COL22A1: variants seen among roughly 807,000 people sequenced by gnomAD.
COL22A1 encodes the protein collagen type XXII alpha 1 chain, also known as collagen alpha-1(XXII) chain.
Under a neutral mutation model 248.9 loss-of-function variants are expected in COL22A1, and 221 were observed. The ratio of observed to expected loss-of-function variants is 0.89; its 90% CI spans 0.80 to 0.99. The LOEUF (loss-of-function observed/expected upper bound fraction) is 0.99, where lower values mean the gene tolerates loss of function less well. Ranked by LOEUF, COL22A1 falls within the 50% of genes least tolerant of loss-of-function variation. The pLI is 0.00. For synonymous variants in COL22A1, 891 were observed against 793.4 expected (o/e 1.12, Z -2.07); for missense variants, 2,240 against 2,179.0 (o/e 1.03, Z -0.56).
At chr8:138,661,874 A>G (rs1323078935) in intron 43 of COL22A1, among the ~76,000 whole-genome samples, 156 bp downstream of exon 43, 2 of 152,220 alleles carry the variant, frequency 1.3e-5, no homozygotes, top group Admixed American at 1.3e-4. Context: ...ACAGAAGAGC[A>G]AAAATAAAAA....
At chr8:138,871,361 A>C (rs1823332386) in intron 3 of COL22A1, among the ~76,000 whole-genome samples, 1 of 152,146 alleles carries the variant, frequency 6.6e-6, no homozygotes, top group Non-Finnish European at 1.5e-5. Flanking sequence ...AGATGAGAAC[A>C]GTCCTGCTCC....
chr8:138,893,829 A>C (rs1230347048), intron 1 of COL22A1, among the ~76,000 whole-genome samples: 1 of 152,220 alleles, frequency 6.6e-6, no homozygotes, highest in African/African-American at 2.4e-5. Context: ...CAAGGAAATA[A>C]ATGCTTATAT....
chr8:138,685,173 T>A, intron 38 of COL22A1, 35 bp downstream of exon 38: 1 of 1,376,292 alleles, frequency 7.3e-7, no homozygotes, highest in Non-Finnish European at 1.0e-6. Context: ...TCACCTGGTT[T>A]CTACAGGCAC....
At chr8:138,592,500 T>C (rs1053340459) in intron 63 of COL22A1, among the ~76,000 whole-genome samples, 1 of 152,238 alleles carries the variant, frequency 6.6e-6, no homozygotes, top group African/African-American at 2.4e-5. Flanking sequence ...ATTTATTTTA[T>C]ATATTTTGTT....
At chr8:138,826,557 G>T in intron 6 of COL22A1, 101 bp downstream of exon 6, 1 of 1,308,016 alleles carries the variant, frequency 7.6e-7, no homozygotes, top group Middle Eastern at 2.5e-4. Context: ...TCTAGGCCCA[G>T]GGATAAGAGC....
At chr8:138,834,204 C>A (rs1351394902) in intron 4 of COL22A1, among the ~76,000 whole-genome samples, 2 of 152,164 alleles carry the variant, frequency 1.3e-5, no homozygotes, top group Non-Finnish European at 2.9e-5. Context: ...GGGAAGCCGG[C>A]TGAAGGCAGG....
Position 138,844,082 on chromosome 8 carries a change from A to C in COL22A1, c.733+2T>G. 6.2e-7 allele frequency: 1 copy of C among 1,613,444 alleles called. No individual in the cohort carries two copies. The highest frequency in any genetic ancestry group is 2.2e-5 in the East Asian group (1 of 44,870). On this transcript the variant is annotated splice_donor_variant, in intron 4 of 64. Transcript: ENST00000303045. LOFTEE classifies it high-confidence loss of function. ...CACACGTGGTTATTGTTTTTCCCTTACCTGTGATTTCCTTGGTTCCTCCAT... is the reference window on the plus strand; with the variant it reads ...CACACGTGGTTATTGTTTTTCCCTTCCCTGTGATTTCCTTGGTTCCTCCAT...
rs59772852 is a variant in COL22A1 at position 138,660,455 on chromosome 8, C to G, written c.3266G>C (p.Arg1089Thr). Reference sequence around the variant, plus strand: ...ACATACCGGCTTGCCAGGAGGCCCTCTTTCTCCTGGATTTCCTGGTGCACC... The same window carrying G: ...ACATACCGGCTTGCCAGGAGGCCCTGTTTCTCCTGGATTTCCTGGTGCACC... ...RDGAPGNPGE[R>T]GPPGKPGLSS... The change falls in exon 44 of 65, where the codon AGA (arginine) becomes ACA (threonine). Residue 1089 changes from arginine (R) to threonine (T), a missense_variant. By Grantham distance (71) the Arg-to-Thr change is moderately conservative. Transcript: ENST00000303045. The G allele has an allele frequency of 6.2e-7, 1 of 1,613,532 alleles. No homozygotes were observed. The highest frequency in any genetic ancestry group is 8.5e-7 in the Non-Finnish European group (1 of 1,179,456).
chr8:138,661,860 C>T (rs901464779), intron 43 of COL22A1, among the ~76,000 whole-genome samples, 170 bp downstream of exon 43: 3 of 152,190 alleles, frequency 2.0e-5, no homozygotes, highest in African/African-American at 7.2e-5. Context: ...ATGAACCACA[C>T]TCAACAGAAG....
At chr8:138,817,220 G>C (rs1333582841) in intron 7 of COL22A1, among the ~76,000 whole-genome samples, 1 of 152,206 alleles carries the variant, frequency 6.6e-6, no homozygotes, top group Non-Finnish European at 1.5e-5. Context: ...GGGAAAGGAA[G>C]CTAGCCTGTA....
intron 14 of COL22A1, among the ~76,000 whole-genome samples, chr8:138,779,052 C>A (rs928124439): frequency 6.6e-6 from 1 of 152,210 alleles, no homozygotes; most frequent in Admixed American, 6.5e-5. Flanking sequence ...GAGAAACACA[C>A]AAATGCACAC....
At chr8:138,755,869 G>A (rs767703120) in intron 18 of COL22A1, 40 bp from the exon 19 acceptor site, 1 of 1,586,796 alleles carries the variant, frequency 6.3e-7, no homozygotes, top group Non-Finnish European at 8.7e-7. Context: ...AGTTACTGGT[G>A]CCACCTTCTG....
chr8:138,701,881 TTGAG>T (rs1020974145), intron 31 of COL22A1, among the ~76,000 whole-genome samples: 1 of 139,454 alleles, frequency 7.2e-6, no homozygotes, highest in Non-Finnish European at 1.6e-5. Context: ...TCCACTTAAT[TTGAG>T]TATCACTATC....
At chr8:138,748,687 A>C (rs1240722925) in intron 22 of COL22A1, among the ~76,000 whole-genome samples, 2 of 152,094 alleles carry the variant, frequency 1.3e-5, no homozygotes, top group Non-Finnish European at 2.9e-5. Flanking sequence ...AAATCTCCAG[A>C]CCCAGTGAAT....
At chr8:138,897,112 T>C (rs1434980844) in intron 1 of COL22A1, among the ~76,000 whole-genome samples, 1 of 152,152 alleles carries the variant, frequency 6.6e-6, no homozygotes, top group Non-Finnish European at 1.5e-5. Context: ...AATGGAAGAC[T>C]CATGAGGCTA....
At chr8:138,774,879 G>A (rs1469051126) in intron 16 of COL22A1, among the ~76,000 whole-genome samples, 2 of 152,128 alleles carry the variant, frequency 1.3e-5, no homozygotes, top group African/African-American at 2.4e-5. Flanking sequence ...GCTGCATGTC[G>A]GAACAGCAAA....
At chr8:138,899,772 C>A (rs1814409951) in intron 1 of COL22A1, among the ~76,000 whole-genome samples, 1 of 152,158 alleles carries the variant, frequency 6.6e-6, no homozygotes, top group African/African-American at 2.4e-5. Flanking sequence ...GATCCACCCA[C>A]CTCTGCCTCC....
chr8:138,883,222 G>C lies in COL22A1; in HGVS notation c.-50C>G. ...CTTCTCTTGGCCAGGAAGAGACGCTGTTAGGGTCTACAGCAGCATGGCCTG... is the reference window on the plus strand; with the variant it reads ...CTTCTCTTGGCCAGGAAGAGACGCTCTTAGGGTCTACAGCAGCATGGCCTG... On this transcript the variant is annotated 5_prime_UTR_variant, in exon 2 of 65. Transcript: ENST00000303045. 6.7e-7 allele frequency: 1 copy of C among 1,502,674 alleles called. No individual in the cohort carries two copies. Among genetic ancestry groups the C allele is most frequent in the Non-Finnish European group, 9.1e-7 (1 of 1,104,288 alleles). The allele number at this position is 1,502,674 out of a possible 1,614,324, so 93.1% of individuals were successfully genotyped here.
At chr8:138,671,746 G>A (rs1564173894) in intron 41 of COL22A1, among the ~76,000 whole-genome samples, 1 of 152,132 alleles carries the variant, frequency 6.6e-6, no homozygotes, top group South Asian at 2.1e-4. Context: ...CTTACACTGA[G>A]GTCTGCAGCT....
Sources: allele counts gnomAD v4.1 joint callset (sites outside exome capture counted in the v4.1 genomes callset), GRCh38; gene constraint gnomAD v4.1.1; transcripts MANE v1.5; gene names NCBI Gene and HGNC (gene_info 2026-07-23, HGNC 2026-07-21).